The following ZNF217 variants were observed in gnomAD, a reference collection of about 807,000 sequenced individuals.
ZNF217 encodes zinc finger protein 217.
Under a neutral mutation model 73.3 loss-of-function variants are expected in ZNF217, and 12 were observed. That is an observed-to-expected ratio of 0.16 (90% CI 0.10 to 0.27). The LOEUF is 0.27. Among genes scored for constraint, ZNF217 ranks in the 10% least tolerant of loss-of-function variants. The pLI, the probability that ZNF217 is intolerant of heterozygous loss-of-function variation, is 1.00. For missense variants in ZNF217, 1,195 were observed against 1,327.8 expected, an observed-to-expected ratio of 0.90 and a Z score of 1.55; for synonymous variants, 588 against 516.4, an observed-to-expected ratio of 1.14 and a Z score of -1.88.
intron 1 of ZNF217, among the ~76,000 whole-genome samples, chr20:53,591,145 A>C (rs1988865505): frequency 6.6e-6 from 1 of 152,172 alleles, no homozygotes; most frequent in Admixed American, 6.5e-5. Flanking sequence ...GTGGTGTATT[A>C]GTTCCTTTTT....
At chr20:53,594,990 A>AT (rs1989015508), upstream of ZNF217, among the ~76,000 whole-genome samples, 1 of 146,750 alleles carries the variant, frequency 6.8e-6, no homozygotes, top group African/African-American at 2.5e-5. Context: ...GGTTCCAAGA[A>AT]TCTACTTGGT....
intron 5 of ZNF217, among the ~76,000 whole-genome samples, chr20:53,571,411 C>T (rs1226814296): frequency 1.2e-4 from 14 of 120,798 alleles, no homozygotes; most frequent in Non-Finnish European, 1.7e-4. Context: ...CCCCCGCCCC[C>T]CCTTTTTTTT....
upstream of ZNF217, among the ~76,000 whole-genome samples, chr20:53,595,380 G>A (rs568316868): frequency 1.1e-4 from 16 of 152,252 alleles, no homozygotes; most frequent in South Asian, 2.9e-3. Context: ...ATCAAGAAAA[G>A]CATTTAAAAT....
chr20:53,569,401 T>C, intron 5 of ZNF217, 137 bp from the exon 6 acceptor site: 1 of 642,302 alleles, frequency 1.6e-6, no homozygotes, highest in Non-Finnish European at 2.2e-6. Context: ...GTTGTTGTTT[T>C]TGAGACAGTC....
rs1166545689 is a variant in ZNF217 at position 53,581,477 on chromosome 20, G to A, written c.1350C>T (p.Pro450=). The A allele has an allele frequency of 5.0e-6, 8 of 1,609,094 alleles. No individual in the cohort carries two copies. Among genetic ancestry groups the A allele is most frequent in the Non-Finnish European group, 6.8e-6 (8 of 1,176,342 alleles). Residue 450 remains proline, a synonymous_variant, in exon 2 of 6, where the codon CCC becomes CCT. Transcript: ENST00000371471. This position sits in a 1 kb window ranked among gnomAD's most constrained non-coding sequence, Gnocchi z 4.9. The stretch of plus-strand genomic sequence containing the variant: ...GCAGCTTACCCAGATGGATTCCTTC[G>A]GGAAGCCCATCCTCAGATCCGTCTT... ...GSEDGSEDGL[P]EGIHLDKNDD... is the part of the protein sequence containing the mutation.
Position 53,576,827 on chromosome 20 carries a change from T to A in ZNF217, c.1937A>T (p.Asp646Val), listed in dbSNP as rs774819178. 2.5e-6 allele frequency: 4 copies of A among 1,614,218 alleles called. No homozygotes were observed. The highest frequency in any genetic ancestry group is 3.4e-6 in the Non-Finnish European group (4 of 1,180,050). ...ACTGCCATCCGGAGGAGGAGTAACATCCGCCTTGGTTCTACAGATGAGGTT... is the reference window on the plus strand; with the variant it reads ...ACTGCCATCCGGAGGAGGAGTAACAACCGCCTTGGTTCTACAGATGAGGTT... ...ANNLICRTKA[D>V]VTPPPDGSTT... The change falls in exon 4 of 6, where the codon GAT (aspartate) becomes GTT (valine). Residue 646 changes from aspartate to valine, a missense_variant. By Grantham distance (152) the Asp-to-Val change is radical. Around this residue, in one of 9 missense-constraint regions of ZNF217, gnomAD observed 649 missense variants for 642.8 expected, o/e 1.01. Transcript: ENST00000371471.
At chr20:53,593,698 C>A (rs1257089719) in intron 1 of ZNF217, 58 bp downstream of exon 1, 1 of 151,122 alleles carries the variant, frequency 6.6e-6, no homozygotes, top group Non-Finnish European at 1.5e-5. Context: ...GCGCGGGAGC[C>A]TCCGCAGGAC....
intron 2 of ZNF217, among the ~76,000 whole-genome samples, chr20:53,578,901 G>C (rs1003640037): frequency 6.6e-6 from 1 of 152,114 alleles, no homozygotes; most frequent in Non-Finnish European, 1.5e-5. Context: ...CAACCACCAG[G>C]GGAAAAATAA....
rs1231363812 is a variant in ZNF217 at position 53,576,877 on chromosome 20, T to C, written c.1887A>G (p.Arg629=). The change falls in exon 4 of 6, where the codon AGA becomes AGG. Residue 629 remains arginine (R), a synonymous_variant. Transcript: ENST00000371471. ...TATTTGCCTGAGTTTCAACTGCTGA[T>C]CTCTTTTTTAACAGGTCCAGGTAAG... ...TPAYLDLLKK[R]SAVETQANNL... is the part of the protein sequence containing the mutation. 2 of 1,614,182 alleles carry C rather than the reference T, an allele frequency of 1.2e-6. No homozygotes were observed.
rs1727078212 is a variant in ZNF217, at chr20:53,583,001, T to A, written c.-175A>T. 28 of 622,042 alleles carry A rather than the reference T, an allele frequency of 4.5e-5. 1 individual carries two copies. In the South Asian group the frequency reaches 6.6e-4, roughly 15 times the overall value. 38.5% of individuals were successfully genotyped at this position (622,042 alleles called of 1,614,324 possible). ...TTCTTCGAACTTTTAGGAAGCTCAG[T>A]GATGGTGTCACTGGTTCTTTCCACA... On this transcript the variant is annotated 5_prime_UTR_variant, in exon 2 of 6. Coordinates refer to ENST00000371471, the MANE Select transcript of ZNF217 (RefSeq NM_006526.3).
At chr20:53,592,554 G>A (rs1225349853) in intron 1 of ZNF217, among the ~76,000 whole-genome samples, 3 of 139,714 alleles carry the variant, frequency 2.1e-5, no homozygotes, top group African/African-American at 5.4e-5. Flanking sequence ...CGTCTTCGGT[G>A]GCCCTACCCA....
chr20:53,570,983 AAT>A (rs1478726677), intron 5 of ZNF217, among the ~76,000 whole-genome samples: 1 of 152,196 alleles, frequency 6.6e-6, no homozygotes, highest in African/African-American at 2.4e-5. Flanking sequence ...CCAGACGGTA[AAT>A]AGTTTCAGCT....
chr20:53,590,507 C>T (rs1988840734), intron 1 of ZNF217, among the ~76,000 whole-genome samples: 1 of 152,068 alleles, frequency 6.6e-6, no homozygotes, highest in South Asian at 2.1e-4. Context: ...AAAAGTAGCT[C>T]CTTTTTTAAA....
chr20:53,595,715 G>A (rs1312069448), upstream of ZNF217, among the ~76,000 whole-genome samples: 1 of 152,114 alleles, frequency 6.6e-6, no homozygotes, highest in Non-Finnish European at 1.5e-5. Context: ...TTTAGTATTA[G>A]GATTCCTTTT....
chr20:53,595,436 C>G (rs1056468877), upstream of ZNF217, among the ~76,000 whole-genome samples: 1 of 152,076 alleles, frequency 6.6e-6, no homozygotes, highest in African/African-American at 2.4e-5. Flanking sequence ...AGAAACGATC[C>G]GGAGCTGGTG....
intron 2 of ZNF217, among the ~76,000 whole-genome samples, chr20:53,580,831 G>A (rs1047210801): frequency 1.3e-5 from 2 of 149,952 alleles, no homozygotes; most frequent in African/African-American, 4.8e-5. Flanking sequence ...AATATTCCTG[G>A]CTCTAGTTGA....
rs1241070758 is a variant in ZNF217, at chr20:53,567,912, T to C, written c.*1376A>G. The C allele has an allele frequency of 1.3e-5, 2 of 152,654 alleles. No individual in the cohort carries two copies. The highest frequency in any genetic ancestry group is 1.3e-4 in the Admixed American group (2 of 15,278). The allele number at this position is 152,654 out of a possible 1,614,324, so 9.5% of individuals were successfully genotyped here. Reference sequence around the variant, plus strand: ...CAGAAAAATGAACAGTGCAAATTTATTTTTGAAACAGTTTCTTAATAAAAT... The same window carrying C: ...CAGAAAAATGAACAGTGCAAATTTACTTTTGAAACAGTTTCTTAATAAAAT... On this transcript the variant is annotated 3_prime_UTR_variant, in exon 6 of 6. Transcript: ENST00000371471.
Position 53,576,060 on chromosome 20 carries a change from T to C in ZNF217, c.2704A>G (p.Asn902Asp), listed in dbSNP as rs1988249403. 1 of 1,614,200 alleles carries C rather than the reference T, an allele frequency of 6.2e-7. No homozygotes were observed. Among genetic ancestry groups the C allele is most frequent in the Admixed American group, 1.7e-5 (1 of 60,024 alleles). ...GCTGCAGTATTGCTGGCACTCCGAT[T>C]ACAGAAATAGTCTCTTCCCGGAGGT... Reference protein sequence around the residue: ...WAPPGRDYFCNRSASNTAAEF... With the variant: ...WAPPGRDYFCDRSASNTAAEF... The change falls in exon 4 of 6, where the codon AAT becomes GAT. Residue 902 changes from asparagine to aspartate, a missense_variant. Physicochemically the swap from Asn to Asp is conservative, Grantham distance 23. Coordinates refer to ENST00000371471, the MANE Select transcript of ZNF217 (RefSeq NM_006526.3).
intron 3 of ZNF217, 149 bp from the exon 4 acceptor site, chr20:53,577,429 C>A: frequency 1.4e-6 from 1 of 727,344 alleles, no homozygotes; most frequent in Non-Finnish European, 2.2e-6. Flanking sequence ...TCTTTATCAT[C>A]CTTACTGTAA....
Sources: allele counts gnomAD v4.1 joint callset (sites outside exome capture counted in the v4.1 genomes callset), GRCh38; gene constraint gnomAD v4.1.1; regional missense constraint gnomAD v4.1.1; non-coding constraint Gnocchi (gnomAD v3.1); transcripts MANE v1.5; gene names NCBI Gene and HGNC (gene_info 2026-07-23, HGNC 2026-07-21).